SDHC: variants seen among roughly 807,000 people sequenced by gnomAD.
SDHC encodes the protein succinate dehydrogenase complex subunit C, also known as succinate dehydrogenase cytochrome b560 subunit, mitochondrial.
In SDHC, 11 loss-of-function variants were observed where a neutral mutation model predicts 22.6. The ratio of observed to expected loss-of-function variants is 0.49; its 90% CI spans 0.31 to 0.81. SDHC has a LOEUF of 0.81. SDHC is among the 30% of genes least tolerant of loss of function. The probability of loss-of-function intolerance (pLI) is 0.05; values close to 1 mark genes in which losing one functional copy is unlikely to be tolerated. For synonymous variants in SDHC, 80 were observed against 77.8 expected (o/e 1.03, Z -0.15); for missense variants, 160 against 212.0 (o/e 0.75, Z 1.52).
chr1:161,339,322 A>G (rs1671617924), intron 3 of SDHC, among the ~76,000 whole-genome samples: 1 of 150,130 alleles, frequency 6.7e-6, no homozygotes, highest in Non-Finnish European at 1.5e-5. Flanking sequence ...AGCTGGGACC[A>G]CAGGCCTCTG....
intron 4 of SDHC, among the ~76,000 whole-genome samples, chr1:161,352,738 G>A (rs1025932672): frequency 1.3e-5 from 2 of 152,164 alleles, no homozygotes; most frequent in African/African-American, 4.8e-5. Flanking sequence ...TGGGTGGGAG[G>A]CCAAGGCGAG....
At chr1:161,350,065 C>T (rs578144264) in intron 4 of SDHC, among the ~76,000 whole-genome samples, 94 of 152,186 alleles carry the variant, frequency 6.2e-4, no homozygotes, top group African/African-American at 2.2e-3. Flanking sequence ...CACGCGTCAC[C>T]ATGCCTGGTT....
intron 1 of SDHC, among the ~76,000 whole-genome samples, chr1:161,322,741 G>T (rs60958200): frequency 0.12 from 17,733 of 150,452 alleles, 1,382 homozygotes; most frequent in African/African-American, 0.22. Context: ...TAATTTTCAT[G>T]TTTTTTGTAG....
At chr1:161,324,324 G>A (rs1670968890) in intron 2 of SDHC, among the ~76,000 whole-genome samples, 1 of 152,202 alleles carries the variant, frequency 6.6e-6, no homozygotes, top group Non-Finnish European at 1.5e-5. Flanking sequence ...TGCCCAAGCA[G>A]GTCTTGAACT....
At chr1:161,327,687 A>G (rs148040120) in intron 2 of SDHC, among the ~76,000 whole-genome samples, 3,931 of 151,170 alleles carry the variant, frequency 0.026, 181 homozygotes, top group African/African-American at 0.091. Flanking sequence ...TCACCCTCCT[A>G]GGTAGGTGGG....
At chr1:161,321,620 T>A (rs1670840372) in intron 1 of SDHC, among the ~76,000 whole-genome samples, 2 of 152,210 alleles carry the variant, frequency 1.3e-5, no homozygotes, top group East Asian at 3.8e-4. Flanking sequence ...ATACAATGTC[T>A]GTATTCACCT....
At chr1:161,339,544 CA>C in intron 3 of SDHC, 1 of 1,231,910 alleles carries the variant, frequency 8.1e-7, no homozygotes, top group South Asian at 1.3e-5. Flanking sequence ...GAGTTATAAT[CA>C]TTTTTTTTTT....
At chr1:161,347,817 G>A (rs964396174) in intron 4 of SDHC, among the ~76,000 whole-genome samples, 1 of 151,978 alleles carries the variant, frequency 6.6e-6, no homozygotes, top group Non-Finnish European at 1.5e-5. Flanking sequence ...AGTGAGCCGA[G>A]ATCACGCCAC....
chr1:161,355,729 AT>A (rs1672245501), intron 4 of SDHC, among the ~76,000 whole-genome samples: 1 of 152,196 alleles, frequency 6.6e-6, no homozygotes, highest in African/African-American at 2.4e-5. Flanking sequence ...CATGCTGGTA[AT>A]CCCAGCGCTT....
intron 2 of SDHC, 82 bp from the exon 3 acceptor site, chr1:161,328,314 A>C: frequency 8.4e-7 from 1 of 1,192,576 alleles, no homozygotes; most frequent in East Asian, 2.3e-5. Flanking sequence ...GTATTGCAAA[A>C]TATTGACTTA....
chr1:161,336,499 A>G (rs948175680), intron 3 of SDHC, among the ~76,000 whole-genome samples: 4 of 152,102 alleles, frequency 2.6e-5, no homozygotes, highest in African/African-American at 9.7e-5. Flanking sequence ...AAAAAGAGAA[A>G]AGAGCATCCT....
chr1:161,321,226 G>C (rs1670824980), intron 1 of SDHC, among the ~76,000 whole-genome samples: 1 of 152,164 alleles, frequency 6.6e-6, no homozygotes, highest in Non-Finnish European at 1.5e-5. Context: ...TTACATTTTG[G>C]GGAGACATGT....
In SDHC at chr1:161,362,694, G is replaced by A. The variant is rs1447673254; in HGVS notation, c.*261G>A. 1.6e-6 allele frequency: 1 copy of A among 634,442 alleles called. No individual in the cohort carries two copies. 39.3% of individuals were successfully genotyped at this position (634,442 alleles called of 1,614,324 possible). ...CAGCTTGCCTACTCTCGGCCTAGAA[G>A]CAGTTATTCTCTCTCCATATTGGGC... On this transcript the variant is annotated 3_prime_UTR_variant, in exon 6 of 6. Coordinates refer to ENST00000367975, the MANE Select transcript of SDHC (RefSeq NM_003001.5).
chr1:161,328,656 A>C (rs749418907), intron 3 of SDHC, among the ~76,000 whole-genome samples, 159 bp downstream of exon 3: 41 of 152,196 alleles, frequency 2.7e-4, no homozygotes, highest in Non-Finnish European at 5.3e-4. Flanking sequence ...TGACATAAGG[A>C]TTATCTTACA....
At chr1:161,343,471 T>G (rs1434393603) in intron 4 of SDHC, among the ~76,000 whole-genome samples, 1 of 152,212 alleles carries the variant, frequency 6.6e-6, no homozygotes, top group African/African-American at 2.4e-5. Flanking sequence ...TTTGTTCTTT[T>G]TCATTCCTTT....
chr1:161,334,597 G>C (rs4233369), intron 3 of SDHC, among the ~76,000 whole-genome samples: 149,879 of 152,224 alleles, frequency 0.98, 73,791 homozygotes, highest in Middle Eastern at 1. Context: ...TACCACCATG[G>C]CTGACTAATT....
chr1:161,314,549 G>A, intron 1 of SDHC, 124 bp downstream of exon 1: 1 of 1,208,498 alleles, frequency 8.3e-7, no homozygotes, highest in Non-Finnish European at 1.2e-6. Context: ...GGGTGTGGAG[G>A]CCAAGCGCTC....
chr1:161,336,303 A>T (rs1025770770), intron 3 of SDHC, among the ~76,000 whole-genome samples: 1 of 152,210 alleles, frequency 6.6e-6, no homozygotes, highest in Non-Finnish European at 1.5e-5. Flanking sequence ...AAAAATACAA[A>T]AATTAGCTGG....
intron 3 of SDHC, among the ~76,000 whole-genome samples, chr1:161,333,254 G>T (rs538080654): frequency 2.6e-5 from 4 of 152,238 alleles, no homozygotes; most frequent in African/African-American, 9.6e-5. Context: ...ATGGACGTTT[G>T]AGCTGTTTCC....
Sources: allele counts gnomAD v4.1 joint callset (sites outside exome capture counted in the v4.1 genomes callset), GRCh38; gene constraint gnomAD v4.1.1; transcripts MANE v1.5; gene names NCBI Gene and HGNC (gene_info 2026-07-23, HGNC 2026-07-21).